The following ADAMTSL1 variants were observed in gnomAD, a reference collection of about 807,000 sequenced individuals.
The protein encoded by ADAMTSL1 is ADAMTS-like protein 1.
ADAMTSL1 carries 126 observed loss-of-function variants against 201.8 expected under a neutral mutation model. The ratio of observed to expected loss-of-function variants is 0.62; its 90% CI spans 0.54 to 0.72. The LOEUF is 0.72. Among genes scored for constraint, ADAMTSL1 ranks in the 30% least tolerant of loss-of-function variants. ADAMTSL1 has a pLI of 0.00. For missense variants in ADAMTSL1, 2,679 were observed against 2,277.8 expected (o/e 1.18, Z -3.59); for synonymous variants, 1,121 against 903.4 (o/e 1.24, Z -4.32).
chr9:18,346,766 C>T (rs918267011), intron 2 of ADAMTSL1, among the ~76,000 whole-genome samples: 1 of 152,118 alleles, frequency 6.6e-6, no homozygotes, highest in Non-Finnish European at 1.5e-5. Flanking sequence ...AACAAGAAAA[C>T]AGAGGAAGAA....
intron 1 of ADAMTSL1, among the ~76,000 whole-genome samples, chr9:18,489,751 T>G (rs1822177248): frequency 6.6e-6 from 1 of 152,170 alleles, no homozygotes; most frequent in Admixed American, 6.5e-5. Context: ...TCTTCTCAGA[T>G]AGCTAAATTT....
At chr9:18,752,684 C>G (rs1819532982) in intron 15 of ADAMTSL1, among the ~76,000 whole-genome samples, 1 of 152,208 alleles carries the variant, frequency 6.6e-6, no homozygotes, top group South Asian at 2.1e-4. Context: ...TAATGAGCCA[C>G]TCTCTTCACT....
chr9:18,532,558 C>T (rs917343363), intron 2 of ADAMTSL1, among the ~76,000 whole-genome samples: 5 of 151,922 alleles, frequency 3.3e-5, no homozygotes, highest in Non-Finnish European at 5.9e-5. Flanking sequence ...TTATTTAATA[C>T]TGTGAGAAAA....
At chr9:18,877,697 G>A (rs1828255372) in intron 23 of ADAMTSL1, among the ~76,000 whole-genome samples, 1 of 152,122 alleles carries the variant, frequency 6.6e-6, no homozygotes, top group Admixed American at 6.5e-5. Flanking sequence ...TGCTGGTTTT[G>A]TGTTTGTTGA....
At chr9:18,763,872 A>G (rs1428221865) in intron 16 of ADAMTSL1, among the ~76,000 whole-genome samples, 1 of 152,112 alleles carries the variant, frequency 6.6e-6, no homozygotes, top group Non-Finnish European at 1.5e-5. Context: ...GTACTATGCT[A>G]TAGCTGGTAC....
chr9:17,974,726 A>C (rs1323637589), intron 1 of ADAMTSL1, among the ~76,000 whole-genome samples: 1 of 152,066 alleles, frequency 6.6e-6, no homozygotes, highest in African/African-American at 2.4e-5. Context: ...GTAATGTTTC[A>C]TGATATATAT....
intron 1 of ADAMTSL1, among the ~76,000 whole-genome samples, chr9:18,116,553 A>G (rs1443360292): frequency 6.6e-6 from 1 of 152,100 alleles, no homozygotes; most frequent in African/African-American, 2.4e-5. Context: ...CTCCCTTTCT[A>G]TCAATTCCTT....
intron 1 of ADAMTSL1, among the ~76,000 whole-genome samples, chr9:18,157,228 T>C (rs559757037): frequency 6.6e-6 from 1 of 152,070 alleles, no homozygotes; most frequent in African/African-American, 2.4e-5. Context: ...CTTTTGCTAG[T>C]TTTTCTTTAT....
At chr9:18,104,974 T>C (rs79235540) in intron 1 of ADAMTSL1, among the ~76,000 whole-genome samples, 2,191 of 152,144 alleles carry the variant, frequency 0.014, 48 homozygotes, top group African/African-American at 0.05. Context: ...TCAGCAACTA[T>C]ATCCCTAAAA....
Position 18,308,644 on chromosome 9 carries a change from C to T in ADAMTSL1, c.207+144663C>T, listed in dbSNP as rs148871941. ...TCCCCAGACTAAACCAGGAAGAAGT[C>T]GAATCCCTGAATAGACCAATATCAA... On this transcript the variant is annotated intron_variant, in intron 2 of 29. Transcript: ENST00000680146. 5.7e-3 allele frequency among the ~76,000 whole-genome samples: 860 copies of T among 152,154 alleles called. 6 individuals carry two copies. Among genetic ancestry groups the T allele is most frequent in the Non-Finnish European group, 9.0e-3 (609 of 67,992 alleles).
intron 1 of ADAMTSL1, among the ~76,000 whole-genome samples, chr9:18,010,776 A>G (rs2131555506): frequency 6.6e-6 from 1 of 152,084 alleles, no homozygotes; most frequent in South Asian, 2.1e-4. Context: ...CGCAATTACC[A>G]AACCCGACAC....
At chr9:18,878,123 C>T (rs1173503850) in intron 23 of ADAMTSL1, among the ~76,000 whole-genome samples, 3 of 152,186 alleles carry the variant, frequency 2.0e-5, no homozygotes, top group Non-Finnish European at 4.4e-5. Context: ...TCCCACCATG[C>T]CCCACCAATA....
chr9:18,130,376 A>C (rs545963108), intron 1 of ADAMTSL1, among the ~76,000 whole-genome samples: 3 of 152,286 alleles, frequency 2.0e-5, no homozygotes, highest in African/African-American at 7.2e-5. Context: ...AATAAGCACT[A>C]TGACTACATT....
intron 26 of ADAMTSL1, among the ~76,000 whole-genome samples, chr9:18,904,733 T>A (rs922960938): frequency 3.0e-5 from 1 of 33,722 alleles, no homozygotes; most frequent in Non-Finnish European, 5.3e-5. Context: ...TTAAGGGGGC[T>A]TTTTTTTTTT....
rs142883605 is a variant in ADAMTSL1, at chr9:18,003,609, C to T, written c.87+96687C>T. On this transcript the variant is annotated intron_variant, in intron 1 of 29. Transcript: ENST00000680146. Reference sequence around the variant, plus strand: ...TGGATGCTTGATGATAAAAGTCTGACTTTGCTTCTACTCTTGTAGCAAGTC... The same window carrying T: ...TGGATGCTTGATGATAAAAGTCTGATTTTGCTTCTACTCTTGTAGCAAGTC... 3.1e-3 allele frequency among the ~76,000 whole-genome samples: 471 copies of T among 152,208 alleles called. 1 individual carries two copies. The highest frequency in any genetic ancestry group is 0.011 in the African/African-American group (439 of 41,580).
At chr9:18,283,942 A>G (rs978153066) in intron 2 of ADAMTSL1, among the ~76,000 whole-genome samples, 7 of 147,598 alleles carry the variant, frequency 4.7e-5, no homozygotes, top group African/African-American at 1.8e-4. Context: ...AAGAAGAAGA[A>G]GAAGAAGGCT....
chr9:18,458,583 T>C (rs1314551231), intron 2 of ADAMTSL1, among the ~76,000 whole-genome samples: 1 of 152,164 alleles, frequency 6.6e-6, no homozygotes, highest in Non-Finnish European at 1.5e-5. Context: ...TTATGTCCCA[T>C]GATAGGTTCT....
At chr9:18,133,116 A>T (rs1826017813) in intron 1 of ADAMTSL1, among the ~76,000 whole-genome samples, 1 of 152,116 alleles carries the variant, frequency 6.6e-6, no homozygotes, top group Admixed American at 6.6e-5. Flanking sequence ...CTCCTCCGGA[A>T]TTAAGGGGCT....
At chr9:18,593,900 G>A (rs576446498) in intron 4 of ADAMTSL1, among the ~76,000 whole-genome samples, 30 of 152,102 alleles carry the variant, frequency 2.0e-4, no homozygotes, top group African/African-American at 7.0e-4. Context: ...TGAATGAAAT[G>A]TTCTATAAAT....
Sources: gnomAD v4.1 joint callset for allele counts (sites outside exome capture counted in the v4.1 genomes callset) on GRCh38, gnomAD v4.1.1 for gene constraint, MANE v1.5 for transcripts, NCBI Gene and HGNC (gene_info 2026-07-23, HGNC 2026-07-21) for gene names.